Variants in PPP2CB observed in about 807,000 individuals in gnomAD.
PPP2CB encodes serine/threonine-protein phosphatase 2A catalytic subunit beta isoform.
In PPP2CB, 18 loss-of-function variants were observed where a neutral mutation model predicts 39.1. The observed-to-expected ratio is 0.46, with a 90% confidence interval of 0.32 to 0.68. The LOEUF (loss-of-function observed/expected upper bound fraction) is 0.68. PPP2CB is among the 30% of genes least tolerant of loss of function. The probability of loss-of-function intolerance (pLI) is 0.04; values close to 1 mark genes in which losing one functional copy is unlikely to be tolerated. For missense variants in PPP2CB, 226 were observed against 396.9 expected, an observed-to-expected ratio of 0.57 and a Z score of 3.66; for synonymous variants, 129 against 133.8, an observed-to-expected ratio of 0.96 and a Z score of 0.25.
intron 1 of PPP2CB, among the ~76,000 whole-genome samples, 180 bp downstream of exon 1, chr8:30,812,140 A>G (rs1260847950): frequency 6.6e-6 from 1 of 151,922 alleles, no homozygotes; most frequent in African/African-American, 2.4e-5. Flanking sequence ...AGGGCAGCCC[A>G]ACGCCCCGGG....
chr8:30,786,357 AAAC>A (rs1806341090), intron 6 of PPP2CB, 50 bp from the exon 7 acceptor site: 2 of 1,413,252 alleles, frequency 1.4e-6, no homozygotes, highest in East Asian at 2.5e-5. Flanking sequence ...TTTGCAAAGA[AAAC>A]AAATGAATAA....
intron 6 of PPP2CB, among the ~76,000 whole-genome samples, chr8:30,789,710 G>C (rs762813486): frequency 2.6e-5 from 4 of 152,124 alleles, no homozygotes; most frequent in Non-Finnish European, 4.4e-5. Context: ...AATGATGAGA[G>C]GTTGTGTTTA....
intron 1 of PPP2CB, 88 bp downstream of exon 1, chr8:30,812,232 G>GCC (rs1806847369): frequency 9.9e-7 from 1 of 1,006,534 alleles, no homozygotes; most frequent in Non-Finnish European, 1.3e-6. Context: ...GCCGCGCCGG[G>GCC]CCAGGGGCGG....
chr8:30,795,344 A>G (rs1586123256), intron 3 of PPP2CB, among the ~76,000 whole-genome samples: 1 of 152,108 alleles, frequency 6.6e-6, no homozygotes, highest in Admixed American at 6.5e-5. Flanking sequence ...TGAACTCCCA[A>G]CCTCAGGTGA....
chr8:30,800,854 C>A (rs932712959), intron 1 of PPP2CB, among the ~76,000 whole-genome samples: 1 of 152,116 alleles, frequency 6.6e-6, no homozygotes, highest in African/African-American at 2.4e-5. Context: ...GAGATGAGAA[C>A]TGGGACTAAT....
At chr8:30,800,079 T>C (rs12545597) in intron 1 of PPP2CB, among the ~76,000 whole-genome samples, 10,879 of 152,238 alleles carry the variant, frequency 0.071, 490 homozygotes, top group African/African-American at 0.1. Context: ...CCTAGGTATA[T>C]ACTCAAGAGA....
chr8:30,797,974 G>C (rs1053179464), intron 2 of PPP2CB, among the ~76,000 whole-genome samples: 10 of 152,096 alleles, frequency 6.6e-5, no homozygotes, highest in African/African-American at 2.4e-4. Context: ...ATCAGGTTTC[G>C]ACAACCCTCA....
rs764923813 is a variant in PPP2CB at position 30,793,906 on chromosome 8, A to T, written c.738+11T>A. The T allele has an allele frequency of 1.2e-5, 19 of 1,604,038 alleles. No individual in the cohort carries two copies. The highest frequency in any genetic ancestry group is 1.6e-5 in the Non-Finnish European group (19 of 1,176,078). ...CTGAAATAAAGATCATTCTGTCAGG[A>T]AAGTACATACCTCCATTACAAGCTG... On this transcript the variant is annotated intron_variant, in intron 5 of 6. Coordinates refer to ENST00000221138, the MANE Select transcript of PPP2CB (RefSeq NM_001009552.2).
chr8:30,799,435 T>TA (rs1278983836), intron 2 of PPP2CB, 111 bp downstream of exon 2: 8 of 838,212 alleles, frequency 9.5e-6, no homozygotes, highest in Non-Finnish European at 1.5e-5. Flanking sequence ...ATTATTATTT[T>TA]AAGGGGCTAT....
Position 30,793,991 on chromosome 8 carries a change from G to A in PPP2CB, c.664C>T (p.Gln222Ter). 1 of 1,613,770 alleles carries A rather than the reference G, an allele frequency of 6.2e-7. No individual in the cohort carries two copies. Among genetic ancestry groups the A allele is most frequent in the Non-Finnish European group, 8.5e-7 (1 of 1,179,844 alleles). The change falls in exon 5 of 7, where the codon CAA (glutamine) becomes TAA (stop). Residue 222 changes from glutamine (Q) to a stop codon, truncating the protein, a stop_gained. Transcript: ENST00000221138. LOFTEE classifies it high-confidence loss of function. ...TGGTTAAAGGTTTCAGAAATGTCTT[G>A]TCCAAATGTGTAGCCAGCACCACGT... ...SPRGAGYTFG[Q>*]DISETFNHAN...
At chr8:30,789,317 A>C (rs113284252) in intron 6 of PPP2CB, among the ~76,000 whole-genome samples, 1,843 of 152,314 alleles carry the variant, frequency 0.012, 51 homozygotes, top group African/African-American at 0.043. Flanking sequence ...GGCATGAGCC[A>C]CCGTGCCTGA....
At chr8:30,812,101 G>A (rs890180369) in intron 1 of PPP2CB, among the ~76,000 whole-genome samples, 1 of 152,024 alleles carries the variant, frequency 6.6e-6, no homozygotes, top group Non-Finnish European at 1.5e-5. Context: ...CCGGCCGGGG[G>A]CGTGAGGCGG....
intron 1 of PPP2CB, among the ~76,000 whole-genome samples, chr8:30,806,919 T>C (rs1422392863): frequency 6.6e-6 from 1 of 152,184 alleles, no homozygotes; most frequent in Non-Finnish European, 1.5e-5. Context: ...TTAAATATAT[T>C]TACCTAGTCA....
chr8:30,795,403 C>T lies in PPP2CB; in HGVS notation c.487-1122G>A, dbSNP rs1806506345. Among the ~76,000 whole-genome samples, 2 of 152,206 alleles carry T rather than the reference C, an allele frequency of 1.3e-5. 1 individual carries two copies. The highest frequency in any genetic ancestry group is 4.1e-4 in the South Asian group (2 of 4,832). ...GTGCTGGGATTACAGGCATGAGCCACCTCACCTGGCCTGATGAGAAGGTTT... is the reference window on the plus strand; with the variant it reads ...GTGCTGGGATTACAGGCATGAGCCATCTCACCTGGCCTGATGAGAAGGTTT... On this transcript the variant is annotated intron_variant, in intron 3 of 6. Transcript: ENST00000221138.
At chr8:30,802,995 C>T (rs142264299) in intron 1 of PPP2CB, among the ~76,000 whole-genome samples, 115 of 152,232 alleles carry the variant, frequency 7.6e-4, no homozygotes, top group African/African-American at 2.6e-3. Context: ...AACTTAGTGA[C>T]ATAAAGAAGT....
chr8:30,792,899 T>A (rs1236991709), intron 5 of PPP2CB, among the ~76,000 whole-genome samples: 1 of 152,180 alleles, frequency 6.6e-6, no homozygotes, highest in Non-Finnish European at 1.5e-5. Context: ...TGTAAATTTG[T>A]GTTTTTTTTA....
intron 3 of PPP2CB, chr8:30,794,552 ATTTC>A (rs140595607): frequency 0.11 from 35,412 of 334,462 alleles, 2,317 homozygotes; most frequent in African/African-American, 0.21. Flanking sequence ...CTACCATTAA[ATTTC>A]TTTCTTTCTT....
chr8:30,795,166 A>C (rs1314238092), intron 3 of PPP2CB, among the ~76,000 whole-genome samples: 2 of 134,066 alleles, frequency 1.5e-5, no homozygotes, highest in African/African-American at 5.7e-5. Flanking sequence ...CTTGTTGCCC[A>C]GTGCAATGGC....
intron 6 of PPP2CB, among the ~76,000 whole-genome samples, chr8:30,786,689 A>G (rs1806347626): frequency 7.2e-6 from 1 of 138,396 alleles, no homozygotes; most frequent in African/African-American, 2.8e-5. Context: ...TTTGAGGCAG[A>G]GTCTTGCTCT....
Sources: allele counts gnomAD v4.1 joint callset (sites outside exome capture counted in the v4.1 genomes callset), GRCh38; gene constraint gnomAD v4.1.1; transcripts MANE v1.5; gene names NCBI Gene and HGNC (gene_info 2026-07-23, HGNC 2026-07-21).